The following KAZN variants were observed in gnomAD, a reference collection of about 807,000 sequenced individuals.
KAZN encodes the protein kazrin, periplakin interacting protein.
In KAZN, 40 loss-of-function variants were observed where a neutral mutation model predicts 87.4. The ratio of observed to expected loss-of-function variants is 0.46; its 90% CI spans 0.36 to 0.60. KAZN has a LOEUF of 0.60. Among genes scored for constraint, KAZN ranks in the 20% least tolerant of loss-of-function variants. KAZN has a pLI of 0.00. For missense variants in KAZN, 898 were observed against 1,073.9 expected (o/e 0.84, Z 2.29); for synonymous variants, 466 against 458.3 (o/e 1.02, Z -0.22).
intron 1 of KAZN, among the ~76,000 whole-genome samples, chr1:14,695,447 T>C (rs890687642): frequency 4.0e-5 from 6 of 150,800 alleles, no homozygotes; most frequent in African/African-American, 1.5e-4. Flanking sequence ...AAGAATAGAA[T>C]GCAGGGAAGA....
chr1:14,828,588 G>A (rs150427192), intron 1 of KAZN, among the ~76,000 whole-genome samples: 18 of 152,218 alleles, frequency 1.2e-4, no homozygotes, highest in South Asian at 2.1e-4. Context: ...TTTAAGTTGC[G>A]GTAGCAGTCC....
At position 14,978,547 on chromosome 1, in the gene KAZN, C is replaced by T. The variant is rs573051347; in HGVS notation, c.418+17672C>T. On this transcript the variant is annotated intron_variant, in intron 2 of 14. Transcript: ENST00000376030. ...AGACCGACCTGGGAAGCCCCTGAGG[C>T]AGTCTTCTTCTTTGTTCGTTTCTCT... is the stretch of plus-strand genomic sequence containing the variant. Among the ~76,000 whole-genome samples the T allele has an allele frequency of 3.9e-5, 6 of 152,336 alleles. No homozygotes were observed. In the South Asian group the frequency reaches 1.0e-3, roughly 26 times the overall value.
intron 1 of KAZN, among the ~76,000 whole-genome samples, chr1:14,073,293 C>T (rs1391582380): frequency 6.6e-6 from 1 of 152,126 alleles, no homozygotes; most frequent in East Asian, 1.9e-4. Flanking sequence ...GCCACAAACT[C>T]TAGTGTACCA....
chr1:15,066,603 C>T lies in KAZN; in HGVS notation c.1222+850C>T, dbSNP rs974454553. 4.1e-6 allele frequency: 4 copies of T among 983,148 alleles called. No individual in the cohort carries two copies. The Admixed American group carries it at 1.8e-4, about 45-fold the overall frequency. The allele number at this position is 983,148 out of a possible 1,614,324, so 60.9% of individuals were successfully genotyped here. A position where few individuals can be genotyped will look rare whatever the true frequency, so the allele number is the denominator to read the frequency against. ...AAAATTGTTTCATTTAATTTATTTG[C>T]ACAAATGCTGAAAACTTATTCTATC... On this transcript the variant is annotated intron_variant, in intron 8 of 14. Transcript: ENST00000376030. The surrounding 1 kb of genome is among the most constrained non-coding windows in gnomAD (Gnocchi z 4.3).
At chr1:14,628,300 C>T (rs573266397) in intron 1 of KAZN, among the ~76,000 whole-genome samples, 2 of 152,298 alleles carry the variant, frequency 1.3e-5, no homozygotes, top group South Asian at 4.1e-4. Flanking sequence ...AGTCTTTCAA[C>T]ACACCCGCAG....
chr1:15,017,706 A>G (rs988761533), intron 2 of KAZN, among the ~76,000 whole-genome samples: 1 of 152,158 alleles, frequency 6.6e-6, no homozygotes, highest in Non-Finnish European at 1.5e-5. Flanking sequence ...TGGGAGGCTG[A>G]GGCAGGAGAA....
intron 2 of KAZN, among the ~76,000 whole-genome samples, chr1:14,991,271 C>T (rs1667332122): frequency 6.6e-6 from 1 of 152,098 alleles, no homozygotes; most frequent in Non-Finnish European, 1.5e-5. Flanking sequence ...AGGAGAATCG[C>T]TTGAACCCGA....
At position 14,760,550 on chromosome 1, in the gene KAZN, G is replaced by A. The variant is rs559214927; in HGVS notation, c.226+161327G>A. 9.9e-5 allele frequency among the ~76,000 whole-genome samples: 15 copies of A among 152,216 alleles called. No homozygotes were observed. In the South Asian group the frequency reaches 1.0e-3, roughly 11 times the overall value. ...CAGCAGCCTCCTCTCTCTCTCCTTC[G>A]TCCCCTCCTGCCCCTTCCAAATTTT... On this transcript the variant is annotated intron_variant, in intron 1 of 14. Coordinates refer to ENST00000376030, the MANE Select transcript of KAZN (RefSeq NM_201628.3).
At chr1:14,835,577 C>T (rs188018615) in intron 1 of KAZN, among the ~76,000 whole-genome samples, 66 of 152,184 alleles carry the variant, frequency 4.3e-4, no homozygotes, top group Non-Finnish European at 7.9e-4. Flanking sequence ...AACTGAAGCG[C>T]GGAAGTTAAA....
intron 2 of KAZN, among the ~76,000 whole-genome samples, chr1:14,203,907 C>T (rs900064642): frequency 5.3e-5 from 8 of 152,182 alleles, no homozygotes; most frequent in Admixed American, 2.6e-4. Context: ...CTCCTGTCAC[C>T]GTGGGAAATG....
At chr1:13,995,219 C>CAAAAAAAAGAAAAAAAAAAAAA (rs1639454478) in intron 1 of KAZN, among the ~76,000 whole-genome samples, 1 of 107,390 alleles carries the variant, frequency 9.3e-6, no homozygotes, top group African/African-American at 3.2e-5. Flanking sequence ...TGCAATAAGG[C>CAAAAAAAAGAAAAAAAAAAAAA]AAAAAAAAAA....
chr1:14,104,765 C>A (rs1186261393), intron 1 of KAZN, among the ~76,000 whole-genome samples: 2 of 152,180 alleles, frequency 1.3e-5, no homozygotes, highest in African/African-American at 4.8e-5. Flanking sequence ...CGATTGATTT[C>A]TTTTTCTCTC....
At chr1:14,702,991 A>T (rs2310751) in intron 1 of KAZN, among the ~76,000 whole-genome samples, 84,410 of 152,120 alleles carry the variant, frequency 0.55, 23,537 homozygotes, top group South Asian at 0.64. Flanking sequence ...GATTTTGTAA[A>T]AATAATCTGA....
At chr1:14,698,497 A>T (rs1641741939) in intron 1 of KAZN, among the ~76,000 whole-genome samples, 1 of 152,196 alleles carries the variant, frequency 6.6e-6, no homozygotes, top group Non-Finnish European at 1.5e-5. Context: ...TATGGAAATA[A>T]TTCCACTGCC....
chr1:14,434,010 C>A (rs1425470736), intron 2 of KAZN, among the ~76,000 whole-genome samples: 1 of 152,330 alleles, frequency 6.6e-6, no homozygotes, highest in South Asian at 2.1e-4. Context: ...CGTGCTGGCA[C>A]CCTGATCTTG....
chr1:14,980,438 A>C (rs1467848823), intron 2 of KAZN, among the ~76,000 whole-genome samples: 1 of 152,194 alleles, frequency 6.6e-6, no homozygotes, highest in Non-Finnish European at 1.5e-5. Flanking sequence ...AGGGGATGGC[A>C]TAGGCAAAAG....
intron 2 of KAZN, among the ~76,000 whole-genome samples, chr1:14,265,406 G>T (rs374015676): frequency 4.6e-5 from 7 of 152,302 alleles, no homozygotes; most frequent in African/African-American, 1.7e-4. Flanking sequence ...TATGGAGAGA[G>T]ACCCCACAAA....
At chr1:14,721,318 C>G (rs1643092934) in intron 1 of KAZN, among the ~76,000 whole-genome samples, 1 of 152,174 alleles carries the variant, frequency 6.6e-6, no homozygotes, top group Non-Finnish European at 1.5e-5. Flanking sequence ...TACCTTCAGT[C>G]TGCACTTCTT....
chr1:13,964,893 C>T (rs945989387), intron 1 of KAZN, among the ~76,000 whole-genome samples: 2 of 152,150 alleles, frequency 1.3e-5, no homozygotes, highest in Non-Finnish European at 2.9e-5. Flanking sequence ...GGAAAGCTCT[C>T]CCTGAGAAAC....
Sources: gnomAD v4.1 joint callset for allele counts (sites outside exome capture counted in the v4.1 genomes callset) on GRCh38, gnomAD v4.1.1 for gene constraint, Gnocchi (gnomAD v3.1) non-coding constraint, MANE v1.5 for transcripts, NCBI Gene and HGNC (gene_info 2026-07-23, HGNC 2026-07-21) for gene names.